The following DLGAP2 variants were observed in gnomAD, a reference collection of about 807,000 sequenced individuals.
The protein encoded by DLGAP2 is DLG associated protein 2.
DLGAP2 carries 26 observed loss-of-function variants against 100.3 expected under a neutral mutation model. That is an observed-to-expected ratio of 0.26 (90% CI 0.19 to 0.36). The LOEUF (loss-of-function observed/expected upper bound fraction) is 0.36. DLGAP2 is among the 10% of genes least tolerant of loss of function. The pLI is 1.00. For synonymous variants in DLGAP2, 886 were observed against 630.1 expected (o/e 1.41, Z -6.08); for missense variants, 1,858 against 1,453.2 (o/e 1.28, Z -4.53).
At chr8:1,124,096 A>C (rs926062986) in intron 2 of DLGAP2, among the ~76,000 whole-genome samples, 3 of 152,226 alleles carry the variant, frequency 2.0e-5, no homozygotes, top group Admixed American at 1.3e-4. Context: ...TTTCTCATGC[A>C]TATCGTTTCC....
intron 2 of DLGAP2, among the ~76,000 whole-genome samples, chr8:1,067,104 C>T (rs1803278264): frequency 6.6e-6 from 1 of 152,136 alleles, no homozygotes; most frequent in South Asian, 2.1e-4. Flanking sequence ...TGGCTCTGAC[C>T]CAGCCTCTCC....
intron 4 of DLGAP2, among the ~76,000 whole-genome samples, chr8:1,536,515 G>C (rs571732475): frequency 1.7e-4 from 26 of 152,242 alleles, no homozygotes; most frequent in Non-Finnish European, 3.2e-4. Context: ...CGGTAAACCA[G>C]AGCACCACCT....
chr8:1,277,016 C>T (rs544497991), intron 3 of DLGAP2, among the ~76,000 whole-genome samples: 1 of 152,246 alleles, frequency 6.6e-6, no homozygotes, highest in Non-Finnish European at 1.5e-5. Context: ...CTGTGATTTA[C>T]TGAATTGGTC....
chr8:1,053,964 T>C (rs1220320045), intron 2 of DLGAP2, among the ~76,000 whole-genome samples: 1 of 152,120 alleles, frequency 6.6e-6, no homozygotes, highest in Non-Finnish European at 1.5e-5. Context: ...TTTATTTGGG[T>C]CTTTTTGTGT....
At chr8:790,354 A>C (rs981356597) in intron 1 of DLGAP2, among the ~76,000 whole-genome samples, 11 of 152,210 alleles carry the variant, frequency 7.2e-5, no homozygotes, top group Admixed American at 5.2e-4. Context: ...GACGTAACCA[A>C]AATGAAAAGA....
At chr8:829,481 T>A (rs1660285163) in intron 1 of DLGAP2, among the ~76,000 whole-genome samples, 1 of 152,218 alleles carries the variant, frequency 6.6e-6, no homozygotes, top group African/African-American at 2.4e-5. Flanking sequence ...ATTCTAAGTT[T>A]TTTTAGTTCA....
intron 1 of DLGAP2, among the ~76,000 whole-genome samples, chr8:901,849 A>G (rs1798258187): frequency 6.6e-6 from 1 of 152,136 alleles, no homozygotes; most frequent in South Asian, 2.1e-4. Context: ...GCCCTGTAAC[A>G]TTGTTGCTCC....
chr8:1,121,389 A>C (rs1185627288), intron 2 of DLGAP2, among the ~76,000 whole-genome samples: 83 of 97,434 alleles, frequency 8.5e-4, no homozygotes, highest in Middle Eastern at 9.8e-3. Context: ...CCCTTTAGAA[A>C]CCCTGACCAC....
intron 3 of DLGAP2, among the ~76,000 whole-genome samples, chr8:1,460,048 A>T (rs1164069933): frequency 2.0e-5 from 3 of 152,246 alleles, no homozygotes; most frequent in African/African-American, 7.2e-5. Flanking sequence ...CAGAGGGACC[A>T]TGAGAACACC....
intron 1 of DLGAP2, among the ~76,000 whole-genome samples, chr8:839,670 G>C (rs1425163236): frequency 6.6e-6 from 1 of 152,134 alleles, no homozygotes; most frequent in Non-Finnish European, 1.5e-5. Flanking sequence ...CTGTCCCTCT[G>C]TGTGCCTCGT....
intron 3 of DLGAP2, among the ~76,000 whole-genome samples, chr8:1,442,191 C>G (rs1221115730): frequency 1.9e-5 from 2 of 103,530 alleles, no homozygotes; most frequent in African/African-American, 6.0e-5. Context: ...AGGCATAGAC[C>G]TGCCAGGCTG....
chr8:1,640,713 A>G (rs1302216037), intron 8 of DLGAP2, among the ~76,000 whole-genome samples: 1 of 152,188 alleles, frequency 6.6e-6, no homozygotes, highest in African/African-American at 2.4e-5. Flanking sequence ...GGGCCTGAGC[A>G]CAGCACCAAG....
chr8:1,023,689 A>C (rs1360299893), intron 2 of DLGAP2, among the ~76,000 whole-genome samples: 2 of 151,786 alleles, frequency 1.3e-5, no homozygotes, highest in Admixed American at 6.6e-5. Flanking sequence ...TCTTACCAGC[A>C]CCTTTTCCCC....
chr8:1,667,634 G>A (rs1798578265), intron 8 of DLGAP2, among the ~76,000 whole-genome samples: 1 of 152,224 alleles, frequency 6.6e-6, no homozygotes, highest in East Asian at 1.9e-4. Context: ...TGCCCATCCT[G>A]TCACTCAACA....
chr8:892,956 G>T (rs1798066743), intron 1 of DLGAP2: 1 of 147,430 alleles, frequency 6.8e-6, no homozygotes, highest in Admixed American at 6.8e-5. Flanking sequence ...TCTGCATCCT[G>T]CCTCTGGGAT....
intron 8 of DLGAP2, 90 bp from the exon 9 acceptor site, chr8:1,668,239 C>CA (rs754405855): frequency 1.3e-5 from 16 of 1,259,746 alleles, no homozygotes; most frequent in Non-Finnish European, 1.7e-5. Flanking sequence ...CTTGCTCCGT[C>CA]AACCACAGGG....
chr8:1,033,388 GGGT>G (rs1471430553), intron 2 of DLGAP2, among the ~76,000 whole-genome samples: 2 of 152,194 alleles, frequency 1.3e-5, no homozygotes, highest in African/African-American at 4.8e-5. Context: ...TGGGGGTTGG[GGGT>G]GGTGGTGGCT....
rs540620928 is a variant in DLGAP2 at position 971,606 on chromosome 8, T to G, written c.73+63640T>G. On this transcript the variant is annotated intron_variant, in intron 2 of 14. Coordinates refer to ENST00000637795, the MANE Select transcript of DLGAP2 (RefSeq NM_001346810.2). ...CTCTGGAGAGCCCATTCTACTTGTG[T>G]GAGTTTTATTTCTAGGAGCCACACC... 2.0e-5 allele frequency among the ~76,000 whole-genome samples: 3 copies of G among 152,322 alleles called. No individual in the cohort carries two copies. The East Asian group carries it at 5.8e-4, about 29-fold the overall frequency.
intron 1 of DLGAP2, among the ~76,000 whole-genome samples, chr8:760,404 C>T (rs942564496): frequency 2.0e-5 from 3 of 152,204 alleles, no homozygotes; most frequent in African/African-American, 7.2e-5. Flanking sequence ...TCATGTTTTT[C>T]TGTCCTTATT....
Sources: gnomAD v4.1 joint callset for allele counts (sites outside exome capture counted in the v4.1 genomes callset) on GRCh38, gnomAD v4.1.1 for gene constraint, MANE v1.5 for transcripts, NCBI Gene and HGNC (gene_info 2026-07-23, HGNC 2026-07-21) for gene names.